Variants in ZNF564 observed in about 807,000 individuals in gnomAD.
The protein encoded by ZNF564 is zinc finger protein 564.
A neutral mutation model predicts 10.5 loss-of-function variants in ZNF564; 5 were observed. The ratio of observed to expected loss-of-function variants is 0.48; its 90% CI spans 0.25 to 1.00. The LOEUF (loss-of-function observed/expected upper bound fraction) is 1.00, where lower values mean the gene tolerates loss of function less well. ZNF564 is among the 50% of genes least tolerant of loss of function. The pLI, the probability that ZNF564 is intolerant of heterozygous loss-of-function variation, is 0.16. For missense variants in ZNF564, 603 were observed against 669.7 expected (o/e 0.90, Z 1.10); for synonymous variants, 242 against 218.1 (o/e 1.11, Z -0.97).
rs114568772 is a variant in ZNF564 at position 12,530,754 on chromosome 19, A to C, written c.4-2058T>G. 5.0e-3 allele frequency among the ~76,000 whole-genome samples: 764 copies of C among 152,306 alleles called. 6 individuals carry two copies. The highest frequency in any genetic ancestry group is 0.018 in the African/African-American group (747 of 41,562). ...TGTAATGTCAAGGCAAAATAAAATAAGGGGAAAGATGGGTTCTTTTGGTTT... is the reference window on the plus strand; with the variant it reads ...TGTAATGTCAAGGCAAAATAAAATACGGGGAAAGATGGGTTCTTTTGGTTT... On this transcript the variant is annotated intron_variant, in intron 1 of 3. Transcript: ENST00000339282.
intron 1 of ZNF564, chr19:12,550,694 T>G (rs1330980400): frequency 6.3e-6 from 1 of 158,012 alleles, no homozygotes; most frequent in Non-Finnish European, 1.4e-5. Flanking sequence ...ACAAATCCTT[T>G]CAAAAGAGTA....
intron 1 of ZNF564, among the ~76,000 whole-genome samples, chr19:12,543,989 A>C (rs557896553): frequency 6.6e-6 from 1 of 151,980 alleles, no homozygotes; most frequent in Non-Finnish European, 1.5e-5. Context: ...TGATCTGAAA[A>C]CCACAAAGCA....
At chr19:12,551,176 CG>C (rs992899692) in intron 1 of ZNF564, among the ~76,000 whole-genome samples, 153 bp downstream of exon 1, 1 of 152,234 alleles carries the variant, frequency 6.6e-6, no homozygotes, top group Non-Finnish European at 1.5e-5. Flanking sequence ...ACCCACCCTG[CG>C]GCCGAGGGGA....
Position 12,526,302 on chromosome 19 carries a change from G to A in ZNF564, c.*144C>T. 1.2e-6 allele frequency: 1 copy of A among 851,752 alleles called. No homozygotes were observed. The highest frequency in any genetic ancestry group is 1.7e-6 in the Non-Finnish European group (1 of 573,962). 52.8% of individuals were successfully genotyped at this position (851,752 alleles called of 1,614,324 possible). A position where few individuals can be genotyped will look rare whatever the true frequency, so the allele number is the denominator to read the frequency against. On this transcript the variant is annotated 3_prime_UTR_variant, in exon 4 of 4. Transcript: ENST00000339282. The stretch of plus-strand genomic sequence containing the variant: ...CTAGTCATGTATTTCCAAAATATGA[G>A]ACAGGCACAGGATAGAGATTCCTAT...
intron 1 of ZNF564, among the ~76,000 whole-genome samples, chr19:12,536,486 T>C (rs913580016): frequency 3.3e-5 from 5 of 152,214 alleles, no homozygotes; most frequent in African/African-American, 1.2e-4. Flanking sequence ...CCATATCATA[T>C]TTCATGCAAC....
chr19:12,527,018 G>A lies in ZNF564; in HGVS notation c.1090C>T (p.Pro364Ser). Residue 364 changes from proline to serine, a missense_variant, in exon 4 of 4, where the codon CCC becomes TCC. Pro to Ser is a moderately conservative substitution (Grantham distance 74). Transcript: ENST00000339282. ...THERTHTGEK[P>S]YECKECGKAF... ...TTCCCGCATTCCTTACATTCATAGGGCTTCTCTCCAGTGTGAGTCCTTTCA... is the reference window on the plus strand; with the variant it reads ...TTCCCGCATTCCTTACATTCATAGGACTTCTCTCCAGTGTGAGTCCTTTCA... 1 of 1,614,044 alleles carries A rather than the reference G, an allele frequency of 6.2e-7. No individual in the cohort carries two copies. The highest frequency in any genetic ancestry group is 1.1e-5 in the South Asian group (1 of 91,076).
chr19:12,527,781 C>T lies in ZNF564; in HGVS notation c.327G>A (p.Gly109=). Residue 109 remains glycine (G), a synonymous_variant, in exon 4 of 4, where the codon GGG becomes GGA. Transcript: ENST00000339282. ...IVRPCECSLC[G]KVFMHHSSLS... ...GGGATGAATGATGCATGAAGACTTT[C>T]CCACACAAACTACATTCACATGGTC... 1.2e-6 allele frequency: 2 copies of T among 1,614,048 alleles called. No individual in the cohort carries two copies. Among genetic ancestry groups the T allele is most frequent in the South Asian group, 1.1e-5 (1 of 91,072 alleles).
In ZNF564 at chr19:12,536,169, C is replaced by G. The variant is rs1165343129; in HGVS notation, c.4-7473G>C. 1.4e-4 allele frequency among the ~76,000 whole-genome samples: 21 copies of G among 151,998 alleles called. 1 individual carries two copies. The highest frequency in any genetic ancestry group is 1.4e-3 in the Admixed American group (21 of 15,244). The stretch of plus-strand genomic sequence containing the variant: ...GACTCATGACTGAAAAGTAACTAAT[C>G]ACTGAACCATGTTTTTTCTTTTTTT... On this transcript the variant is annotated intron_variant, in intron 1 of 3. Transcript: ENST00000339282.
chr19:12,545,019 G>A (rs532733099), intron 1 of ZNF564, among the ~76,000 whole-genome samples: 1 of 152,104 alleles, frequency 6.6e-6, no homozygotes. Context: ...AGCACTTTGG[G>A]AGGCCAAGGC....
rs1352449877 is a variant in ZNF564 at position 12,525,513 on chromosome 19, T to G, written c.*933A>C. 1 of 152,246 alleles carries G rather than the reference T, an allele frequency of 6.6e-6. No individual in the cohort carries two copies. The highest frequency in any genetic ancestry group is 1.5e-5 in the Non-Finnish European group (1 of 68,060). The allele number at this position is 152,246 out of a possible 1,614,324, so 9.4% of individuals were successfully genotyped here. A position where few individuals can be genotyped will look rare whatever the true frequency, so the allele number is the denominator to read the frequency against. On this transcript the variant is annotated 3_prime_UTR_variant, in exon 4 of 4. Coordinates refer to ENST00000339282, the MANE Select transcript of ZNF564 (RefSeq NM_144976.4). ...AGTATTTCTTGTTTTCCATCTTTGATACTACTAATCCTAATGAGATGCTAT... is the reference window on the plus strand; with the variant it reads ...AGTATTTCTTGTTTTCCATCTTTGAGACTACTAATCCTAATGAGATGCTAT...
chr19:12,538,075 T>A (rs1343286093), intron 1 of ZNF564, among the ~76,000 whole-genome samples: 1 of 152,078 alleles, frequency 6.6e-6, no homozygotes, highest in Non-Finnish European at 1.5e-5. Context: ...CTCAATAGAT[T>A]TTTTTAAATA....
At chr19:12,539,266 A>T (rs893358896) in intron 1 of ZNF564, among the ~76,000 whole-genome samples, 29 of 146,110 alleles carry the variant, frequency 2.0e-4, no homozygotes, top group Non-Finnish European at 4.2e-4. Context: ...AAAATAGGGG[A>T]GGTAGGGAAA....
chr19:12,529,405 A>G, intron 1 of ZNF564, among the ~76,000 whole-genome samples: 1 of 152,048 alleles, frequency 6.6e-6, no homozygotes, highest in East Asian at 1.9e-4. Context: ...GGAGTTTGAG[A>G]CCAGCCTGAC....
At chr19:12,536,937 A>T (rs1014140520) in intron 1 of ZNF564, among the ~76,000 whole-genome samples, 8 of 152,214 alleles carry the variant, frequency 5.3e-5, no homozygotes, top group Non-Finnish European at 8.8e-5. Context: ...CCTCAAAAAT[A>T]AGCCCATGTA....
chr19:12,551,324 A>T lies in ZNF564; in HGVS notation c.3+6T>A. The T allele has an allele frequency of 6.2e-7, 1 of 1,608,084 alleles. No individual in the cohort carries two copies. Among genetic ancestry groups the T allele is most frequent in the South Asian group, 1.1e-5 (1 of 90,320 alleles). On this transcript the variant is annotated splice_donor_region_variant and intron_variant, in intron 1 of 3. Coordinates refer to ENST00000339282, the MANE Select transcript of ZNF564 (RefSeq NM_144976.4). ...AGTCTCCAGGCGCCCGGCCCCGCAC[A>T]CGCACCATTTCCTGGCTTCCAGGGT...
intron 1 of ZNF564, among the ~76,000 whole-genome samples, chr19:12,540,556 T>C (rs8103572): frequency 0.16 from 23,754 of 151,754 alleles, 2,458 homozygotes; most frequent in South Asian, 0.24. Flanking sequence ...TCCATCTCTA[T>C]TAAAAATACA....
At chr19:12,539,541 A>ACCTGTAGTC (rs2021995760) in intron 1 of ZNF564, among the ~76,000 whole-genome samples, 1 of 148,888 alleles carries the variant, frequency 6.7e-6, no homozygotes, top group African/African-American at 2.5e-5. Context: ...GGTGGCACGT[A>ACCTGTAGTC]CCTGTAGTCC....
intron 1 of ZNF564, among the ~76,000 whole-genome samples, chr19:12,549,653 G>A (rs1280902462): frequency 2.6e-5 from 4 of 152,184 alleles, no homozygotes. Context: ...CTGGGGTTGA[G>A]GAAGAAAAGC....
At chr19:12,537,099 A>G (rs2145078461) in intron 1 of ZNF564, among the ~76,000 whole-genome samples, 1 of 152,272 alleles carries the variant, frequency 6.6e-6, no homozygotes, top group East Asian at 1.9e-4. Flanking sequence ...GCTTCATTAT[A>G]GGTTTCTCAA....
Sources: allele counts gnomAD v4.1 joint callset (sites outside exome capture counted in the v4.1 genomes callset), GRCh38; gene constraint gnomAD v4.1.1; transcripts MANE v1.5; gene names NCBI Gene and HGNC (gene_info 2026-07-23, HGNC 2026-07-21).